The following CACNA1C variants were observed in gnomAD, a reference collection of about 807,000 sequenced individuals.
CACNA1C encodes calcium voltage-gated channel subunit alpha1 C.
Under a neutral mutation model 229.0 loss-of-function variants are expected in CACNA1C, and 30 were observed. The ratio of observed to expected loss-of-function variants is 0.13; its 90% CI spans 0.10 to 0.18. The LOEUF is 0.18. CACNA1C is among the 10% of genes least tolerant of loss of function. The pLI is 1.00. For synonymous variants in CACNA1C, 1,114 were observed against 1,132.5 expected, an observed-to-expected ratio of 0.98 and a Z score of 0.33; for missense variants, 1,658 against 2,845.0, an observed-to-expected ratio of 0.58 and a Z score of 9.49.
chr12:2,679,818 C>G lies in CACNA1C; in HGVS notation c.5444+22C>G. ...ACAGGTAAGTGGGAGGCTGGCCACCCCAGGCGGCACACAGGGCCCACGTGC... is the reference window on the plus strand; with the variant it reads ...ACAGGTAAGTGGGAGGCTGGCCACCGCAGGCGGCACACAGGGCCCACGTGC... On this transcript the variant is annotated intron_variant, in intron 42 of 46. Coordinates refer to ENST00000399655, the MANE Select transcript of CACNA1C (RefSeq NM_000719.7). The surrounding 1 kb of genome is among the most constrained non-coding windows in gnomAD (Gnocchi z 5.5). 6.7e-7 allele frequency: 1 copy of G among 1,502,074 alleles called. No homozygotes were observed. Among genetic ancestry groups the G allele is most frequent in the Non-Finnish European group, 9.0e-7 (1 of 1,108,258 alleles). The allele number at this position is 1,502,074 out of a possible 1,614,324, so 93.0% of individuals were successfully genotyped here. A position where few individuals can be genotyped will look rare whatever the true frequency, so the allele number is the denominator to read the frequency against.
intron 3 of CACNA1C, among the ~76,000 whole-genome samples, chr12:2,442,677 T>C (rs2099240659): frequency 6.6e-6 from 1 of 152,194 alleles, no homozygotes. Context: ...CTCATGGTTC[T>C]GTGGGCTGTA....
intron 11 of CACNA1C, among the ~76,000 whole-genome samples, chr12:2,562,686 TGGGGGTGCAA>T (rs2154593003): frequency 6.6e-6 from 1 of 152,326 alleles, no homozygotes; most frequent in African/African-American, 2.4e-5. Flanking sequence ...GCAGTATGTC[TGGGGGTGCAA>T]GAATCCCAAA....
At chr12:2,413,426 C>G (rs1158074986) in intron 3 of CACNA1C, among the ~76,000 whole-genome samples, 1 of 152,216 alleles carries the variant, frequency 6.6e-6, no homozygotes, top group Non-Finnish European at 1.5e-5. Context: ...CAACACTCTT[C>G]CCCTCCTCAG....
Position 2,563,567 on chromosome 12 carries a change from C to A in CACNA1C, c.1509-2855C>A, listed in dbSNP as rs183757787. Among the ~76,000 whole-genome samples, 176 of 152,344 alleles carry A rather than the reference C, an allele frequency of 1.2e-3. 1 individual carries two copies. Among genetic ancestry groups the A allele is most frequent in the African/African-American group, 4.1e-3 (172 of 41,576 alleles). ...CAAGCCAAAAACTAAGTTCTCCCTG[C>A]AGTCCTGAAGAAAGAGTACCCTTCT... is the stretch of plus-strand genomic sequence containing the variant. On this transcript the variant is annotated intron_variant, in intron 11 of 46. Transcript: ENST00000399655.
At chr12:2,330,966 C>T (rs2096527774) in intron 3 of CACNA1C, among the ~76,000 whole-genome samples, 1 of 152,080 alleles carries the variant, frequency 6.6e-6, no homozygotes, top group Admixed American at 6.5e-5. Context: ...ATAGTTACAA[C>T]TTTAAAAAAC....
At chr12:2,680,845 T>TG (rs2097110111) in intron 42 of CACNA1C, among the ~76,000 whole-genome samples, 2 of 152,362 alleles carry the variant, frequency 1.3e-5, no homozygotes, top group South Asian at 4.1e-4. Flanking sequence ...GAAGCAGCAC[T>TG]GGGGGCATCC....
chr12:2,452,962 C>G (rs12297903), intron 4 of CACNA1C, among the ~76,000 whole-genome samples: 6,805 of 152,246 alleles, frequency 0.045, 487 homozygotes, highest in African/African-American at 0.15. Flanking sequence ...CCCACTCCCC[C>G]ATCCTGGCAA....
chr12:2,177,634 C>CCTTCTCTCTCTCTT (rs1566165741), intron 3 of CACNA1C, among the ~76,000 whole-genome samples: 8 of 112,876 alleles, frequency 7.1e-5, no homozygotes, highest in South Asian at 3.6e-4. Flanking sequence ...CCTTCTCTCT[C>CCTTCTCTCTCTCTT]TCTTTCTTTC....
chr12:2,426,183 G>A (rs1219218311), intron 3 of CACNA1C, among the ~76,000 whole-genome samples: 2 of 152,100 alleles, frequency 1.3e-5, no homozygotes, highest in Non-Finnish European at 2.9e-5. Context: ...CAGTACATAC[G>A]CCCACCCTGT....
At chr12:2,095,136 A>G (rs1033035901) in intron 1 of CACNA1C, among the ~76,000 whole-genome samples, 1 of 152,122 alleles carries the variant, frequency 6.6e-6, no homozygotes, top group African/African-American at 2.4e-5. Context: ...AGATCACACT[A>G]TCTCTTCTTG....
At chr12:2,151,387 G>C (rs994758378) in intron 3 of CACNA1C, among the ~76,000 whole-genome samples, 2 of 150,886 alleles carry the variant, frequency 1.3e-5, no homozygotes, top group African/African-American at 4.9e-5. Flanking sequence ...AGGGATTTGA[G>C]ATGGTAGGAG....
chr12:2,471,735 T>G (rs2099594079), intron 5 of CACNA1C, among the ~76,000 whole-genome samples: 1 of 151,946 alleles, frequency 6.6e-6, no homozygotes, highest in Non-Finnish European at 1.5e-5. Flanking sequence ...CAGACTGGAG[T>G]GCAGTGGCAC....
chr12:2,596,477 G>C (rs551645387), intron 20 of CACNA1C, among the ~76,000 whole-genome samples: 1 of 152,298 alleles, frequency 6.6e-6, no homozygotes, highest in East Asian at 1.9e-4. Flanking sequence ...CAATATTAAA[G>C]GCCAGTTTAA....
chr12:2,628,968 TAG>T (rs1463520535), intron 29 of CACNA1C, among the ~76,000 whole-genome samples: 1 of 152,200 alleles, frequency 6.6e-6, no homozygotes, highest in Non-Finnish European at 1.5e-5. Flanking sequence ...GGAGGCCGGA[TAG>T]AGTCGGTATA....
chr12:2,387,446 C>T (rs888455857), intron 3 of CACNA1C, among the ~76,000 whole-genome samples: 7 of 151,750 alleles, frequency 4.6e-5, no homozygotes, highest in East Asian at 1.9e-4. Context: ...GATTGCACCA[C>T]GGCACTCCAG....
chr12:2,596,664 C>G (rs755348024), intron 20 of CACNA1C, among the ~76,000 whole-genome samples: 1 of 152,096 alleles, frequency 6.6e-6, no homozygotes, highest in Non-Finnish European at 1.5e-5. Flanking sequence ...TGATCCATCA[C>G]CTGAAATATA....
chr12:2,530,780 G>A lies in CACNA1C; in HGVS notation c.1390+17796G>A, dbSNP rs147028218. 5.1e-3 allele frequency among the ~76,000 whole-genome samples: 777 copies of A among 152,226 alleles called. 7 individuals are homozygous for A. The highest frequency in any genetic ancestry group is 0.018 in the African/African-American group (736 of 41,516). Reference sequence around the variant, plus strand: ...GCCATGGGTAAGTGACCGTTAACACGCAGTAGGAACTTTATGAATACTGCA... The same window carrying A: ...GCCATGGGTAAGTGACCGTTAACACACAGTAGGAACTTTATGAATACTGCA... On this transcript the variant is annotated intron_variant, in intron 9 of 46. Transcript: ENST00000399655.
intron 1 of CACNA1C, chr12:2,004,567 C>G (rs117129339): frequency 0.036 from 46,576 of 1,293,794 alleles, 950 homozygotes; most frequent in Middle Eastern, 0.06. Context: ...CCAGTCACCC[C>G]CACCCTCCTG....
At chr12:2,338,700 G>A (rs184758644) in intron 3 of CACNA1C, among the ~76,000 whole-genome samples, 19 of 152,174 alleles carry the variant, frequency 1.2e-4, no homozygotes, top group African/African-American at 3.4e-4. Flanking sequence ...CGGTATGCCT[G>A]TGCATCCAGG....
Sources: gnomAD v4.1 joint callset for allele counts (sites outside exome capture counted in the v4.1 genomes callset) on GRCh38, gnomAD v4.1.1 for gene constraint, Gnocchi (gnomAD v3.1) non-coding constraint, MANE v1.5 for transcripts, NCBI Gene and HGNC (gene_info 2026-07-23, HGNC 2026-07-21) for gene names.